The following LPP variants were observed in gnomAD, a reference collection of about 807,000 sequenced individuals.
The protein encoded by LPP is LIM domain containing preferred translocation partner in lipoma.
LPP carries 38 observed loss-of-function variants against 60.4 expected under a neutral mutation model. The observed-to-expected ratio is 0.63, with a 90% CI of 0.49 to 0.83. The LOEUF is 0.83. Among genes scored for constraint, LPP ranks in the 40% least tolerant of loss-of-function variants. The pLI is 0.00. For synonymous variants in LPP, 328 were observed against 290.8 expected, an observed-to-expected ratio of 1.13 and a Z score of -1.30; for missense variants, 902 against 783.6, an observed-to-expected ratio of 1.15 and a Z score of -1.80.
At chr3:188,293,820 T>C (rs1313313354) in intron 2 of LPP, among the ~76,000 whole-genome samples, 1 of 152,022 alleles carries the variant, frequency 6.6e-6, no homozygotes, top group Non-Finnish European at 1.5e-5. Flanking sequence ...ATCTCAGCAC[T>C]TTGGGAGACC....
intron 5 of LPP, among the ~76,000 whole-genome samples, chr3:188,511,282 C>A (rs563260783): frequency 1.1e-5 from 1 of 92,560 alleles, no homozygotes; most frequent in South Asian, 5.0e-4. Flanking sequence ...TCCCTCCCTT[C>A]CCTCCCTTCC....
In LPP at chr3:188,885,808, C is replaced by T. The variant is rs1040456445; in HGVS notation, c.*11329C>T. On this transcript the variant is annotated 3_prime_UTR_variant, in exon 12 of 12. Transcript: ENST00000617246. ...CATCCTCTCCAGCACCTGTTGTTTC[C>T]TGACTTTTTAATGATTGCCATTCTA... The T allele has an allele frequency of 2.0e-5, 3 of 152,088 alleles. No homozygotes were observed. The highest frequency in any genetic ancestry group is 4.1e-4 in the South Asian group (2 of 4,826). 9.4% of individuals were successfully genotyped at this position (152,088 alleles called of 1,614,324 possible).
chr3:188,582,087 C>T (rs1428852269), intron 6 of LPP, among the ~76,000 whole-genome samples: 3 of 151,760 alleles, frequency 2.0e-5, no homozygotes, highest in African/African-American at 7.3e-5. Context: ...AACAATTTCA[C>T]TTCAGGGCTC....
chr3:188,585,125 C>T (rs774674690), intron 6 of LPP, among the ~76,000 whole-genome samples: 27 of 152,180 alleles, frequency 1.8e-4, no homozygotes, highest in Non-Finnish European at 3.2e-4. Flanking sequence ...AAGTCAATCA[C>T]ACGGCATAAT....
At chr3:188,220,925 G>A (rs1464391550) in intron 1 of LPP, among the ~76,000 whole-genome samples, 2 of 152,178 alleles carry the variant, frequency 1.3e-5, no homozygotes, top group African/African-American at 2.4e-5. Flanking sequence ...CCCTACCCTT[G>A]CTATGCTTGG....
At chr3:188,247,319 G>A (rs73059657) in intron 2 of LPP, 2,672 of 219,256 alleles carry the variant, frequency 0.012, 70 homozygotes, top group African/African-American at 0.056. Context: ...TAGACTAGTT[G>A]GTAGGAGAGC....
chr3:188,769,137 A>T lies in LPP; in HGVS notation c.1410+8855A>T, dbSNP rs1735070324. On this transcript the variant is annotated intron_variant, in intron 9 of 11. Transcript: ENST00000617246. ...ATATCTAGGTAAAACTTTAAAACGT[A>T]TAAATGATCTAAGTGAGGAATGCTA... Among the ~76,000 whole-genome samples, 7 of 152,368 alleles carry T rather than the reference A, an allele frequency of 4.6e-5. No homozygotes were observed. In the South Asian group the frequency reaches 1.4e-3, roughly 32 times the overall value.
At position 188,883,792 on chromosome 3, in the gene LPP, A is replaced by G. The variant is rs1364296662; in HGVS notation, c.*9313A>G. The G allele has an allele frequency of 9.5e-6, 2 of 211,454 alleles. No homozygotes were observed. Among genetic ancestry groups the G allele is most frequent in the East Asian group, 1.4e-4 (2 of 14,294 alleles). The allele number at this position is 211,454 out of a possible 1,614,324, so 13.1% of individuals were successfully genotyped here. ...TTGGTGTATAATCCCCATGTCTAAC[A>G]AGGAAGAAGTCAAAAGCAAAAGATA... On this transcript the variant is annotated 3_prime_UTR_variant, in exon 12 of 12. Transcript: ENST00000617246.
At chr3:188,495,373 T>G (rs1025307714) in intron 5 of LPP, among the ~76,000 whole-genome samples, 4 of 151,416 alleles carry the variant, frequency 2.6e-5, no homozygotes, top group Admixed American at 1.3e-4. Context: ...CAAAATACAT[T>G]ATAACAGCAC....
chr3:188,537,341 A>G (rs1370530596), intron 6 of LPP, among the ~76,000 whole-genome samples: 1 of 152,216 alleles, frequency 6.6e-6, no homozygotes, highest in East Asian at 1.9e-4. Context: ...CATGGGCAAA[A>G]GAAAAAGAAA....
chr3:188,692,246 T>C (rs1164868225), intron 7 of LPP, among the ~76,000 whole-genome samples: 2 of 152,226 alleles, frequency 1.3e-5, no homozygotes, highest in Non-Finnish European at 2.9e-5. Context: ...CAGCCTCATA[T>C]ATGGGTTGAC....
chr3:188,580,776 T>A (rs1835893693), intron 6 of LPP, among the ~76,000 whole-genome samples: 1 of 152,074 alleles, frequency 6.6e-6, no homozygotes. Context: ...TATTAAGACA[T>A]TAATTGGGAA....
At chr3:188,266,992 CAGA>C (rs1376985017) in intron 2 of LPP, among the ~76,000 whole-genome samples, 1 of 152,144 alleles carries the variant, frequency 6.6e-6, no homozygotes, top group Non-Finnish European at 1.5e-5. Flanking sequence ...TCAGAAGAGT[CAGA>C]AGAAGAGAAA....
intron 8 of LPP, among the ~76,000 whole-genome samples, chr3:188,737,419 T>C (rs1722906319): frequency 6.6e-6 from 1 of 152,216 alleles, no homozygotes; most frequent in Non-Finnish European, 1.5e-5. Flanking sequence ...CATGGGCCTG[T>C]CAACCCTGGT....
At chr3:188,425,085 C>T (rs1320337049) in intron 4 of LPP, among the ~76,000 whole-genome samples, 3 of 152,146 alleles carry the variant, frequency 2.0e-5, no homozygotes, top group African/African-American at 7.2e-5. Context: ...GTGGGTTTGT[C>T]ATAAATAGCT....
intron 4 of LPP, among the ~76,000 whole-genome samples, chr3:188,441,433 C>T (rs1052018865): frequency 2.6e-5 from 4 of 151,788 alleles, no homozygotes; most frequent in Admixed American, 1.3e-4. Context: ...AGTGGATGTG[C>T]ATTTGTCATC....
chr3:188,357,074 CT>C (rs1251535064), intron 3 of LPP, among the ~76,000 whole-genome samples: 71 of 152,268 alleles, frequency 4.7e-4, no homozygotes, highest in African/African-American at 1.6e-3. Flanking sequence ...TTCGCATGGC[CT>C]ATGTATGTCC....
chr3:188,323,376 A>G (rs1033367138), intron 2 of LPP, among the ~76,000 whole-genome samples: 2 of 152,144 alleles, frequency 1.3e-5, no homozygotes, highest in African/African-American at 4.8e-5. Flanking sequence ...AACCTTTCTT[A>G]CTTGTCAATA....
chr3:188,344,130 G>A (rs192015927), intron 3 of LPP, among the ~76,000 whole-genome samples: 1 of 152,270 alleles, frequency 6.6e-6, no homozygotes, highest in Admixed American at 6.5e-5. Flanking sequence ...ACAGGCTTCT[G>A]GCCTCTTGTA....
Sources: gnomAD v4.1 joint callset for allele counts (sites outside exome capture counted in the v4.1 genomes callset) on GRCh38, gnomAD v4.1.1 for gene constraint, MANE v1.5 for transcripts, NCBI Gene and HGNC (gene_info 2026-07-23, HGNC 2026-07-21) for gene names.